The following RANBP17 variants were observed in gnomAD, a reference collection of about 807,000 sequenced individuals.
RANBP17 encodes ran-binding protein 17.
RANBP17 carries 158 observed loss-of-function variants against 141.2 expected under a neutral mutation model. The ratio of observed to expected loss-of-function variants is 1.12; its 90% CI spans 0.98 to 1.28. RANBP17 has a LOEUF of 1.28. Among genes scored for constraint, RANBP17 ranks in the 50% most tolerant of loss-of-function variants. The probability of loss-of-function intolerance (pLI) is 0.00; values close to 1 mark genes in which losing one functional copy is unlikely to be tolerated. For synonymous variants in RANBP17, 430 were observed against 450.0 expected (o/e 0.96, Z 0.56); for missense variants, 1,438 against 1,290.7 (o/e 1.11, Z -1.75).
chr5:171,196,503 AG>A (rs1761987158), intron 18 of RANBP17, among the ~76,000 whole-genome samples: 1 of 152,188 alleles, frequency 6.6e-6, no homozygotes, highest in Admixed American at 6.5e-5. Flanking sequence ...TCCCAAAGGA[AG>A]GGCACTGGGC....
At chr5:171,058,065 A>C (rs1389675562) in intron 14 of RANBP17, among the ~76,000 whole-genome samples, 1 of 152,038 alleles carries the variant, frequency 6.6e-6, no homozygotes, top group African/African-American at 2.4e-5. Flanking sequence ...GATATTGACA[A>C]ATTCTCCTTC....
intron 25 of RANBP17, among the ~76,000 whole-genome samples, chr5:171,277,471 C>A (rs564637236): frequency 6.6e-6 from 1 of 150,960 alleles, no homozygotes; most frequent in Non-Finnish European, 1.5e-5. Context: ...GTAACAGAAG[C>A]CTTATTTCCT....
chr5:170,932,628 A>G (rs1055819935), intron 12 of RANBP17, among the ~76,000 whole-genome samples: 1 of 152,078 alleles, frequency 6.6e-6, no homozygotes, highest in African/African-American at 2.4e-5. Flanking sequence ...AGGGCTGTTG[A>G]ATTTTGTCAA....
At chr5:170,862,549 G>A (rs903185119) in intron 1 of RANBP17, among the ~76,000 whole-genome samples, 3 of 152,190 alleles carry the variant, frequency 2.0e-5, no homozygotes, top group Admixed American at 6.5e-5. Flanking sequence ...ATCCACCGAA[G>A]GAGCGGCGGC....
At chr5:171,156,556 A>T (rs982454121) in intron 14 of RANBP17, among the ~76,000 whole-genome samples, 1 of 152,044 alleles carries the variant, frequency 6.6e-6, no homozygotes, top group East Asian at 1.9e-4. Context: ...AAAGTCCACA[A>T]TTTGCCAAGA....
chr5:171,125,886 G>C (rs1407160872), intron 14 of RANBP17, among the ~76,000 whole-genome samples: 1 of 151,954 alleles, frequency 6.6e-6, no homozygotes, highest in Non-Finnish European at 1.5e-5. Flanking sequence ...TGCCTCCTGG[G>C]TTCAAGCAAT....
intron 13 of RANBP17, among the ~76,000 whole-genome samples, chr5:170,964,612 T>A (rs1249053564): frequency 1.3e-5 from 2 of 152,268 alleles, no homozygotes; most frequent in African/African-American, 2.4e-5. Context: ...GTGTTCCCAT[T>A]GTTCAATTCC....
intron 1 of RANBP17, among the ~76,000 whole-genome samples, chr5:170,875,024 T>C (rs956468205): frequency 1.2e-4 from 19 of 152,166 alleles, no homozygotes; most frequent in African/African-American, 2.4e-5. Context: ...GCAGGCCTGG[T>C]GGTGACAAAT....
intron 12 of RANBP17, among the ~76,000 whole-genome samples, chr5:170,940,490 A>G (rs1031239190): frequency 2.6e-5 from 4 of 152,194 alleles, no homozygotes; most frequent in Non-Finnish European, 5.9e-5. Flanking sequence ...ATCTGAAAAA[A>G]TTCAGAACTG....
intron 25 of RANBP17, among the ~76,000 whole-genome samples, chr5:171,292,886 A>G (rs1768580026): frequency 6.6e-6 from 1 of 152,178 alleles, no homozygotes; most frequent in South Asian, 2.1e-4. Flanking sequence ...CTGCAAACAT[A>G]TCACTAGCTC....
intron 3 of RANBP17, among the ~76,000 whole-genome samples, chr5:170,888,875 T>C (rs2127377016): frequency 6.6e-6 from 1 of 152,200 alleles, no homozygotes. Context: ...TTGTCCTCTA[T>C]TCCTAGTTTG....
chr5:171,248,016 A>G (rs1765317162), intron 24 of RANBP17, among the ~76,000 whole-genome samples: 1 of 152,220 alleles, frequency 6.6e-6, no homozygotes, highest in Non-Finnish European at 1.5e-5. Context: ...AATTATGAAT[A>G]GATAATCTTA....
Position 171,027,366 on chromosome 5 carries a change from T to G in RANBP17, c.1710+58989T>G, listed in dbSNP as rs568621758. ...AGATTCATTTTTGTCATGGAACATC[T>G]TATCTCCTTATGATGCTTTTGAAGT... is the stretch of plus-strand genomic sequence containing the variant. On this transcript the variant is annotated intron_variant, in intron 14 of 27. Transcript: ENST00000523189. Among the ~76,000 whole-genome samples the G allele has an allele frequency of 2.0e-5, 3 of 152,338 alleles. No homozygotes were observed. The South Asian group carries it at 6.2e-4, about 32-fold the overall frequency.
At chr5:171,035,494 A>T (rs1006598008) in intron 14 of RANBP17, among the ~76,000 whole-genome samples, 2 of 150,786 alleles carry the variant, frequency 1.3e-5, no homozygotes, top group Admixed American at 1.3e-4. Flanking sequence ...AATATGCTTG[A>T]ACATGTTAAC....
At chr5:171,076,862 A>C (rs1385414138) in intron 14 of RANBP17, among the ~76,000 whole-genome samples, 1 of 152,198 alleles carries the variant, frequency 6.6e-6, no homozygotes, top group Admixed American at 6.5e-5. Flanking sequence ...CAATTTGACT[A>C]TACCAGTTGT....
intron 20 of RANBP17, among the ~76,000 whole-genome samples, chr5:171,211,442 A>G (rs959209563): frequency 1.3e-5 from 2 of 151,912 alleles, no homozygotes; most frequent in Non-Finnish European, 2.9e-5. Context: ...TTGTGTTTTT[A>G]GTAGAGACAG....
At chr5:171,229,503 T>G (rs1764078402) in intron 22 of RANBP17, among the ~76,000 whole-genome samples, 1 of 152,028 alleles carries the variant, frequency 6.6e-6, no homozygotes, top group Non-Finnish European at 1.5e-5. Flanking sequence ...CAAGCAATTC[T>G]CCTGCCTCAG....
At chr5:171,065,103 C>T (rs1784223534) in intron 14 of RANBP17, among the ~76,000 whole-genome samples, 2 of 152,112 alleles carry the variant, frequency 1.3e-5, no homozygotes, top group South Asian at 4.1e-4. Flanking sequence ...CTGATTATTT[C>T]TTTTGGTGCA....
chr5:171,276,970 A>G (rs1490532891), intron 25 of RANBP17, among the ~76,000 whole-genome samples: 1 of 150,144 alleles, frequency 6.7e-6, no homozygotes, highest in Non-Finnish European at 1.5e-5. Context: ...TTTCTAACCC[A>G]TAGATTAAAT....
Sources: gnomAD v4.1 joint callset for allele counts (sites outside exome capture counted in the v4.1 genomes callset) on GRCh38, gnomAD v4.1.1 for gene constraint, MANE v1.5 for transcripts, NCBI Gene and HGNC (gene_info 2026-07-23, HGNC 2026-07-21) for gene names.